SLC4A10: variants seen among roughly 807,000 people sequenced by gnomAD.
SLC4A10 encodes sodium-driven chloride bicarbonate exchanger.
SLC4A10 carries 42 observed loss-of-function variants against 137.7 expected under a neutral mutation model. The ratio of observed to expected loss-of-function variants is 0.30; its 90% CI spans 0.24 to 0.39. SLC4A10 has a LOEUF of 0.39. Among genes scored for constraint, SLC4A10 ranks in the 10% least tolerant of loss-of-function variants. The pLI, the probability that SLC4A10 is intolerant of heterozygous loss-of-function variation, is 1.00. For missense variants in SLC4A10, 925 were observed against 1,355.0 expected (o/e 0.68, Z 4.98); for synonymous variants, 474 against 464.1 (o/e 1.02, Z -0.27).
intron 2 of SLC4A10, among the ~76,000 whole-genome samples, chr2:161,785,788 G>A (rs1292125420): frequency 6.6e-6 from 1 of 151,844 alleles, no homozygotes; most frequent in Non-Finnish European, 1.5e-5. Context: ...ACAAGGCAAG[G>A]ATGTCTACTC....
intron 1 of SLC4A10, among the ~76,000 whole-genome samples, chr2:161,634,251 A>G (rs754847474): frequency 2.6e-5 from 4 of 151,906 alleles, no homozygotes; most frequent in Non-Finnish European, 5.9e-5. Context: ...TTTCATGGTT[A>G]GATTGAGGTT....
At chr2:161,643,413 T>A (rs2035577171) in intron 1 of SLC4A10, among the ~76,000 whole-genome samples, 3 of 152,132 alleles carry the variant, frequency 2.0e-5, no homozygotes, top group Admixed American at 6.5e-5. Context: ...AATTTTGAAT[T>A]ACACATGCCA....
chr2:161,880,359 T>C (rs1878066), intron 9 of SLC4A10, among the ~76,000 whole-genome samples: 151,687 of 152,268 alleles, frequency 1, 75,555 homozygotes, highest in East Asian at 1. Flanking sequence ...TAGCAGATTA[T>C]ATAACTCCAT....
chr2:161,797,932 G>T (rs955512079), intron 2 of SLC4A10, among the ~76,000 whole-genome samples: 14 of 151,978 alleles, frequency 9.2e-5, no homozygotes, highest in African/African-American at 2.9e-4. Flanking sequence ...GAAGCCTTTT[G>T]TTTTATAATG....
intron 23 of SLC4A10, among the ~76,000 whole-genome samples, chr2:161,972,993 A>T (rs778043209): frequency 5.9e-5 from 9 of 152,212 alleles, no homozygotes; most frequent in Non-Finnish European, 1.2e-4. Flanking sequence ...GAGCGGGCCA[A>T]GGTCTGTTTA....
chr2:161,702,338 T>A (rs1011235455), intron 1 of SLC4A10, among the ~76,000 whole-genome samples: 2 of 151,900 alleles, frequency 1.3e-5, no homozygotes, highest in African/African-American at 4.8e-5. Context: ...AAAATTTCAC[T>A]TAAGGGATTA....
intron 16 of SLC4A10, among the ~76,000 whole-genome samples, chr2:161,945,781 T>G (rs1332604606): frequency 6.6e-6 from 1 of 151,918 alleles, no homozygotes; most frequent in African/African-American, 2.4e-5. Context: ...TTAATGTAAT[T>G]AGGCAGACCA....
At chr2:161,779,648 GA>G (rs1335527581) in intron 2 of SLC4A10, among the ~76,000 whole-genome samples, 1 of 151,694 alleles carries the variant, frequency 6.6e-6, no homozygotes, top group African/African-American at 2.4e-5. Context: ...ATAAAGAAAA[GA>G]AAAAAAGTAA....
At chr2:161,929,539 CT>C (rs1689932512) in intron 15 of SLC4A10, among the ~76,000 whole-genome samples, 1 of 152,206 alleles carries the variant, frequency 6.6e-6, no homozygotes, top group Non-Finnish European at 1.5e-5. Context: ...CTAGGGACCC[CT>C]GACCAATGAG....
chr2:161,888,723 T>A (rs1007505625), intron 10 of SLC4A10, among the ~76,000 whole-genome samples: 6 of 152,196 alleles, frequency 3.9e-5, no homozygotes, highest in African/African-American at 1.4e-4. Context: ...TATACAATCA[T>A]GTCATCTGCA....
chr2:161,849,608 G>T (rs948069160), intron 4 of SLC4A10, among the ~76,000 whole-genome samples: 27 of 152,208 alleles, frequency 1.8e-4, no homozygotes, highest in Admixed American at 1.2e-3. Context: ...TTTCAAACAT[G>T]AGGGGATGTT....
intron 1 of SLC4A10, among the ~76,000 whole-genome samples, chr2:161,691,729 T>C (rs1002173196): frequency 3.9e-5 from 6 of 152,236 alleles, no homozygotes; most frequent in Admixed American, 6.5e-5. Context: ...GAGGGCAGAA[T>C]CTCATAGAGG....
intron 3 of SLC4A10, among the ~76,000 whole-genome samples, chr2:161,826,994 G>A (rs909539186): frequency 1.3e-5 from 2 of 152,100 alleles, no homozygotes; most frequent in African/African-American, 4.8e-5. Context: ...TATGTTCCAT[G>A]AAGGCAGAGG....
chr2:161,678,745 T>G (rs1297260443), intron 1 of SLC4A10, among the ~76,000 whole-genome samples: 1 of 152,184 alleles, frequency 6.6e-6, no homozygotes, highest in Non-Finnish European at 1.5e-5. Context: ...CTGACATTTT[T>G]TGCATATCAT....
chr2:161,978,825 G>A (rs114723076), intron 26 of SLC4A10, among the ~76,000 whole-genome samples: 4,205 of 152,150 alleles, frequency 0.028, 94 homozygotes, highest in African/African-American at 0.06. Context: ...TGTCTTAATA[G>A]GACTTTAAAA....
chr2:161,966,004 A>G (rs190515108), intron 23 of SLC4A10, among the ~76,000 whole-genome samples: 1 of 152,358 alleles, frequency 6.6e-6, no homozygotes, highest in Non-Finnish European at 1.5e-5. Flanking sequence ...GATGAGAATT[A>G]TACTATTTTT....
intron 3 of SLC4A10, among the ~76,000 whole-genome samples, chr2:161,837,607 CA>C (rs2058899471): frequency 6.6e-6 from 1 of 152,022 alleles, no homozygotes; most frequent in African/African-American, 2.4e-5. Flanking sequence ...AAATGTATAT[CA>C]AAAGGCAAAA....
intron 3 of SLC4A10, among the ~76,000 whole-genome samples, chr2:161,829,636 G>T (rs1216807749): frequency 6.6e-6 from 1 of 152,038 alleles, no homozygotes; most frequent in African/African-American, 2.4e-5. Flanking sequence ...AATAATAAGG[G>T]AATGTTTTCT....
intron 1 of SLC4A10, among the ~76,000 whole-genome samples, chr2:161,647,383 A>C (rs1417178010): frequency 1.3e-5 from 2 of 152,114 alleles, no homozygotes; most frequent in African/African-American, 4.8e-5. Flanking sequence ...ATTGATAATC[A>C]AGATGATATG....
Sources: gnomAD v4.1 joint callset for allele counts (sites outside exome capture counted in the v4.1 genomes callset) on GRCh38, gnomAD v4.1.1 for gene constraint, MANE v1.5 for transcripts, NCBI Gene and HGNC (gene_info 2026-07-23, HGNC 2026-07-21) for gene names.